ATP2C2: variants seen among roughly 807,000 people sequenced by gnomAD.
The protein encoded by ATP2C2 is ATPase secretory pathway Ca2+ transporting 2.
Under a neutral mutation model 110.8 loss-of-function variants are expected in ATP2C2, and 171 were observed. The ratio of observed to expected loss-of-function variants is 1.54; its 90% CI spans 1.36 to 1.75. The LOEUF is 1.75. Ranked by LOEUF, ATP2C2 falls within the 40% of genes most tolerant of loss-of-function variation. ATP2C2 has a pLI of 0.00. For synonymous variants in ATP2C2, 804 were observed against 508.4 expected, an observed-to-expected ratio of 1.58 and a Z score of -7.82; for missense variants, 1,963 against 1,235.0, an observed-to-expected ratio of 1.59 and a Z score of -8.84.
At chr16:84,440,825 G>T in intron 13 of ATP2C2, 32 bp from the exon 14 acceptor site, 2 of 1,560,860 alleles carry the variant, frequency 1.3e-6, no homozygotes, top group Non-Finnish European at 1.8e-6. Flanking sequence ...TTTGACTCTT[G>T]GCGAAACCCT....
At chr16:84,431,605 G>T (rs941410208) in intron 11 of ATP2C2, among the ~76,000 whole-genome samples, 1 of 152,020 alleles carries the variant, frequency 6.6e-6, no homozygotes, top group Admixed American at 6.6e-5. Context: ...TGTTCAGGCA[G>T]GGGGAACAGC....
chr16:84,432,007 C>G (rs986854873), intron 11 of ATP2C2, among the ~76,000 whole-genome samples: 2 of 152,074 alleles, frequency 1.3e-5, no homozygotes, highest in African/African-American at 2.4e-5. Flanking sequence ...GCTGAGGTCT[C>G]CCGCCGAGCT....
At chr16:84,408,339 C>G in intron 3 of ATP2C2, 66 bp from the exon 4 acceptor site, 2 of 1,477,866 alleles carry the variant, frequency 1.4e-6, no homozygotes, top group Non-Finnish European at 9.5e-7. Context: ...AACTTCTGCA[C>G]AGTAAGAAAC....
At chr16:84,400,616 C>T (rs990496216) in intron 2 of ATP2C2, among the ~76,000 whole-genome samples, 10 of 152,224 alleles carry the variant, frequency 6.6e-5, no homozygotes, top group South Asian at 4.2e-4. Context: ...CATGAGCCAC[C>T]GCGCCCAGCG....
intron 11 of ATP2C2, 198 bp from the exon 12 acceptor site, chr16:84,438,968 G>T: frequency 1.6e-6 from 1 of 627,112 alleles, no homozygotes; most frequent in East Asian, 3.0e-5. Flanking sequence ...CCAAGAGCGG[G>T]GTCTGCAGGG....
At chr16:84,443,233 C>T (rs944338847) in intron 15 of ATP2C2, among the ~76,000 whole-genome samples, 8 of 151,990 alleles carry the variant, frequency 5.3e-5, no homozygotes, top group South Asian at 2.1e-4. Context: ...AAGGAGGGGC[C>T]GGCAGAGGTT....
intron 17 of ATP2C2, among the ~76,000 whole-genome samples, chr16:84,450,379 C>A (rs548736249): frequency 6.6e-6 from 1 of 152,136 alleles, no homozygotes; most frequent in African/African-American, 2.4e-5. Flanking sequence ...TGCTAGATCC[C>A]CTGGAGTGGC....
chr16:84,426,854 C>T (rs1294000574), intron 11 of ATP2C2, among the ~76,000 whole-genome samples: 2 of 152,190 alleles, frequency 1.3e-5, no homozygotes, highest in South Asian at 2.1e-4. Context: ...GGGACCCGCC[C>T]TTCTTCTACG....
chr16:84,435,958 A>G (rs964404243), intron 11 of ATP2C2, among the ~76,000 whole-genome samples: 4 of 152,176 alleles, frequency 2.6e-5, no homozygotes, highest in Non-Finnish European at 5.9e-5. Context: ...GTGAAACCTC[A>G]TCTCTACTAA....
chr16:84,422,949 GC>G (rs1272314680), intron 9 of ATP2C2, among the ~76,000 whole-genome samples: 1 of 152,010 alleles, frequency 6.6e-6, no homozygotes, highest in Non-Finnish European at 1.5e-5. Context: ...ACAGGCATAA[GC>G]CACCACACCT....
intron 21 of ATP2C2, among the ~76,000 whole-genome samples, chr16:84,455,583 C>T (rs1269900298): frequency 1.3e-5 from 2 of 151,494 alleles, no homozygotes; most frequent in African/African-American, 4.9e-5. Context: ...TTAATTAGTT[C>T]TGAGACTCTC....
chr16:84,451,818 A>AT, intron 17 of ATP2C2, 103 bp from the exon 18 acceptor site: 1 of 1,236,830 alleles, frequency 8.1e-7, no homozygotes, highest in Admixed American at 2.2e-5. Flanking sequence ...AACCTGGGCG[A>AT]TAAGAACAAA....
chr16:84,426,278 G>A (rs1034577753), intron 11 of ATP2C2, among the ~76,000 whole-genome samples: 6 of 152,068 alleles, frequency 3.9e-5, no homozygotes, highest in African/African-American at 1.4e-4. Context: ...GAAACAATTA[G>A]ATCTCTCAGG....
intron 21 of ATP2C2, among the ~76,000 whole-genome samples, chr16:84,456,457 C>A (rs1374562517): frequency 1.4e-5 from 2 of 144,082 alleles, no homozygotes; most frequent in African/African-American, 5.1e-5. Context: ...TCTCTCACCG[C>A]TCCTATTCAA....
intron 23 of ATP2C2, chr16:84,459,874 G>A (rs770607200): frequency 2.2e-5 from 8 of 359,348 alleles, no homozygotes; most frequent in Non-Finnish European, 3.7e-5. Flanking sequence ...TAGAGATAAA[G>A]GGCTTGCCAC....
At chr16:84,454,794 C>G in intron 20 of ATP2C2, 24 bp from the exon 21 acceptor site, 2 of 1,561,340 alleles carry the variant, frequency 1.3e-6, no homozygotes, top group Non-Finnish European at 1.7e-6. Flanking sequence ...GGCTGCAGGC[C>G]TTCATTGCCT....
rs1910461306 is a variant in ATP2C2, at chr16:84,453,201, TGGA to T, written c.1897_1899del (p.Glu633del). 6.2e-7 allele frequency: 1 copy of T among 1,613,688 alleles called. No individual in the cohort carries two copies. Among genetic ancestry groups the T allele is most frequent in the Non-Finnish European group, 8.5e-7 (1 of 1,179,736 alleles). On this transcript the variant is annotated inframe_deletion, in exon 19 of 27. Coordinates refer to ENST00000262429, the MANE Select transcript of ATP2C2 (RefSeq NM_014861.4). Reference sequence around the variant, plus strand: ...ATGTCCGGGGAGGAGGTGGACAGCGTGGAGAAGGGCGAGCTGGCCGACCGCGTG... The same window carrying T: ...ATGTCCGGGGAGGAGGTGGACAGCGTGAAGGGCGAGCTGGCCGACCGCGTG...
intron 1 of ATP2C2, among the ~76,000 whole-genome samples, chr16:84,381,541 C>T (rs567932187): frequency 6.6e-6 from 1 of 152,102 alleles, no homozygotes; most frequent in Non-Finnish European, 1.5e-5. Context: ...CATGCCACTG[C>T]ACTCCAGCCT....
At chr16:84,462,369 G>T (rs1911466184) in intron 26 of ATP2C2, 1 of 474,680 alleles carries the variant, frequency 2.1e-6, no homozygotes, top group Non-Finnish European at 3.7e-6. Context: ...AGGGTCTGGG[G>T]CCCAAGGGGC....
Sources: gnomAD v4.1 joint callset for allele counts (sites outside exome capture counted in the v4.1 genomes callset) on GRCh38, gnomAD v4.1.1 for gene constraint, MANE v1.5 for transcripts, NCBI Gene and HGNC (gene_info 2026-07-23, HGNC 2026-07-21) for gene names.